Variants in REL observed in about 807,000 individuals in gnomAD.
The protein encoded by REL is REL proto-oncogene, NF-kB subunit.
Under a neutral mutation model 45.9 loss-of-function variants are expected in REL, and 15 were observed. That is an observed-to-expected ratio of 0.33 (90% confidence interval 0.22 to 0.50). The LOEUF (loss-of-function observed/expected upper bound fraction) is 0.50, where lower values mean the gene tolerates loss of function less well. Ranked by LOEUF, REL falls within the 20% of genes least tolerant of loss-of-function variation. The pLI is 0.98. For missense variants in REL, 601 were observed against 715.2 expected, an observed-to-expected ratio of 0.84 and a Z score of 1.82; for synonymous variants, 239 against 242.1, an observed-to-expected ratio of 0.99 and a Z score of 0.12.
intron 1 of REL, among the ~76,000 whole-genome samples, chr2:60,886,125 C>T (rs913307585): frequency 2.0e-5 from 3 of 152,106 alleles, no homozygotes; most frequent in Non-Finnish European, 1.5e-5. Context: ...GACAATTATT[C>T]TTAATCAGGA....
Position 60,891,659 on chromosome 2 carries a change from T to C in REL, c.11-24T>C, listed in dbSNP as rs552641264. ...AATTGCTATATTAATCTCACTGACCTCCTCCTTTTTAAAAACTTTTCAGGT... is the reference window on the plus strand; with the variant it reads ...AATTGCTATATTAATCTCACTGACCCCCTCCTTTTTAAAAACTTTTCAGGT... On this transcript the variant is annotated intron_variant, in intron 1 of 9. Coordinates refer to ENST00000394479, the MANE Select transcript of REL (RefSeq NM_001291746.2). 1.8e-5 allele frequency: 29 copies of C among 1,574,536 alleles called. No homozygotes were observed. In the Admixed American group the frequency reaches 5.0e-4, roughly 27 times the overall value.
chr2:60,886,502 A>G (rs1673075307), intron 1 of REL, among the ~76,000 whole-genome samples: 1 of 152,150 alleles, frequency 6.6e-6, no homozygotes, highest in Non-Finnish European at 1.5e-5. Flanking sequence ...ACTTCATATA[A>G]TTTTCAACTT....
chr2:60,901,874 T>C (rs1296550329), intron 4 of REL, among the ~76,000 whole-genome samples: 1 of 152,244 alleles, frequency 6.6e-6, no homozygotes, highest in Non-Finnish European at 1.5e-5. Flanking sequence ...ATATTTACTG[T>C]TCAGTGAATT....
At chr2:60,906,498 A>G (rs114727339) in intron 4 of REL, among the ~76,000 whole-genome samples, 99 of 152,280 alleles carry the variant, frequency 6.5e-4, no homozygotes, top group African/African-American at 2.4e-3. Flanking sequence ...TGCTGAGTTC[A>G]GCTTCTCAAA....
At chr2:60,915,212 G>A (rs1173898978) in intron 4 of REL, among the ~76,000 whole-genome samples, 1 of 152,066 alleles carries the variant, frequency 6.6e-6, no homozygotes, top group African/African-American at 2.4e-5. Context: ...AGTTCACATA[G>A]GTTTGTTTTT....
rs1674269095 is a variant in REL, at chr2:60,926,434, T to C, written c.*3899T>C. 1 of 232,050 alleles carries C rather than the reference T, an allele frequency of 4.3e-6. No individual in the cohort carries two copies. Among genetic ancestry groups the C allele is most frequent in the Admixed American group, 5.6e-5 (1 of 17,726 alleles). The allele number at this position is 232,050 out of a possible 1,614,324, so 14.4% of individuals were successfully genotyped here. A position where few individuals can be genotyped will look rare whatever the true frequency, so the allele number is the denominator to read the frequency against. ...CCCGCCTTGTCAAATCTAGTGTCTT[T>C]TTTTCAGTCCTCACACTGCTTGACC... On this transcript the variant is annotated 3_prime_UTR_variant, in exon 10 of 10. Transcript: ENST00000394479.
At position 60,922,905 on chromosome 2, in the gene REL, A is replaced by C. The variant is rs1674183300; in HGVS notation, c.*370A>C. On this transcript the variant is annotated 3_prime_UTR_variant, in exon 10 of 10. Transcript: ENST00000394479. Reference sequence around the variant, plus strand: ...CTAAAAATACAAAAATTAGCTGAGCATGGTGGTACGTGCCTGTACTGTCAG... The same window carrying C: ...CTAAAAATACAAAAATTAGCTGAGCCTGGTGGTACGTGCCTGTACTGTCAG... 5.3e-6 allele frequency: 1 copy of C among 186,918 alleles called. No individual in the cohort carries two copies. Among genetic ancestry groups the C allele is most frequent in the Admixed American group, 5.9e-5 (1 of 16,966 alleles). 11.6% of individuals were successfully genotyped at this position (186,918 alleles called of 1,614,324 possible).
At chr2:60,896,238 A>G (rs1673344491) in intron 3 of REL, among the ~76,000 whole-genome samples, 6 of 152,044 alleles carry the variant, frequency 3.9e-5, no homozygotes, top group Admixed American at 1.3e-4. Flanking sequence ...CGAATTCCTG[A>G]CCTCAGGTGA....
chr2:60,894,329 C>T (rs1301376865), intron 2 of REL, 68 bp from the exon 3 acceptor site: 2 of 917,240 alleles, frequency 2.2e-6, no homozygotes. Context: ...AAATTGAATT[C>T]TCATTTAGTA....
intron 1 of REL, among the ~76,000 whole-genome samples, chr2:60,883,398 A>T (rs1672997161): frequency 1.3e-5 from 2 of 152,220 alleles, no homozygotes; most frequent in African/African-American, 4.8e-5. Context: ...AGTTTAAAAT[A>T]TTTCAACTTT....
intron 4 of REL, among the ~76,000 whole-genome samples, chr2:60,909,622 G>A (rs1272159592): frequency 6.6e-6 from 1 of 152,172 alleles, no homozygotes; most frequent in Non-Finnish European, 1.5e-5. Context: ...GTTATTCCAG[G>A]CTGGGCGCAG....
At chr2:60,905,924 T>G (rs771807954) in intron 4 of REL, among the ~76,000 whole-genome samples, 13 of 152,182 alleles carry the variant, frequency 8.5e-5, no homozygotes, top group Non-Finnish European at 1.8e-4. Flanking sequence ...CGATACCCTA[T>G]GTATTAGTCC....
chr2:60,887,708 T>A (rs934000052), intron 1 of REL, among the ~76,000 whole-genome samples: 2 of 150,528 alleles, frequency 1.3e-5, no homozygotes, highest in African/African-American at 4.9e-5. Flanking sequence ...TTCCCCCAGC[T>A]TGTTAATTTT....
chr2:60,903,261 C>T (rs1673545785), intron 4 of REL, among the ~76,000 whole-genome samples: 1 of 152,186 alleles, frequency 6.6e-6, no homozygotes, highest in Admixed American at 6.5e-5. Context: ...ATTTAACTGT[C>T]CCAAATCATG....
At position 60,926,762 on chromosome 2, in the gene REL, T is replaced by G. The variant is rs1674278341; in HGVS notation, c.*4227T>G. 1 of 227,874 alleles carries G rather than the reference T, an allele frequency of 4.4e-6. No individual in the cohort carries two copies. The highest frequency in any genetic ancestry group is 2.2e-5 in the African/African-American group (1 of 45,048). 14.1% of individuals were successfully genotyped at this position (227,874 alleles called of 1,614,324 possible). On this transcript the variant is annotated 3_prime_UTR_variant, in exon 10 of 10. Transcript: ENST00000394479. Reference sequence around the variant, plus strand: ...CAAAGTATTGTATTCTTTTTCTCCATCACACTCATACTTAATCATCAAGTC... The same window carrying G: ...CAAAGTATTGTATTCTTTTTCTCCAGCACACTCATACTTAATCATCAAGTC...
At chr2:60,897,034 G>A (rs951837421) in intron 3 of REL, among the ~76,000 whole-genome samples, 4 of 152,002 alleles carry the variant, frequency 2.6e-5, no homozygotes, top group Non-Finnish European at 4.4e-5. Context: ...CATTATTGGC[G>A]ATATTATCTT....
In REL at chr2:60,923,917, CAG is replaced by C. The variant is rs1674208034; in HGVS notation, c.*1385_*1386del. Reference sequence around the variant, plus strand: ...CCATTCATTGGCTTCTCATCTCACTCAGAGCAGTCAAAGTCCTTAAAAGTTGC... The same window carrying C: ...CCATTCATTGGCTTCTCATCTCACTCAGCAGTCAAAGTCCTTAAAAGTTGC... On this transcript the variant is annotated 3_prime_UTR_variant, in exon 10 of 10. Transcript: ENST00000394479. The C allele has an allele frequency of 3.0e-5, 7 of 232,854 alleles. No individual in the cohort carries two copies. The East Asian group carries it at 4.2e-4, about 14-fold the overall frequency. 14.4% of individuals were successfully genotyped at this position (232,854 alleles called of 1,614,324 possible).
chr2:60,882,810 T>C (rs1672977960), intron 1 of REL, among the ~76,000 whole-genome samples: 1 of 152,232 alleles, frequency 6.6e-6, no homozygotes, highest in African/African-American at 2.4e-5. Flanking sequence ...ATATCCGAGC[T>C]TTAAAATAAT....
chr2:60,906,913 A>ATATTTTTT (rs1311506982), intron 4 of REL, among the ~76,000 whole-genome samples: 4 of 104,306 alleles, frequency 3.8e-5, no homozygotes, highest in African/African-American at 1.2e-4. Context: ...ATATATATAT[A>ATATTTTTT]TTTTTTTTTT....
Sources: gnomAD v4.1 joint callset for allele counts (sites outside exome capture counted in the v4.1 genomes callset) on GRCh38, gnomAD v4.1.1 for gene constraint, MANE v1.5 for transcripts, NCBI Gene and HGNC (gene_info 2026-07-23, HGNC 2026-07-21) for gene names.